The following GRK5 variants were observed in gnomAD, a reference collection of about 807,000 sequenced individuals.
GRK5 encodes g protein-coupled receptor kinase GRK5.
GRK5 carries 40 observed loss-of-function variants against 78.4 expected under a neutral mutation model. The ratio of observed to expected loss-of-function variants is 0.51; its 90% CI spans 0.40 to 0.66. The LOEUF (loss-of-function observed/expected upper bound fraction) is 0.66. Among genes scored for constraint, GRK5 ranks in the 30% least tolerant of loss-of-function variants. The pLI is 0.00. For missense variants in GRK5, 598 were observed against 759.9 expected (o/e 0.79, Z 2.50); for synonymous variants, 289 against 296.8 (o/e 0.97, Z 0.27).
At chr10:119,223,006 G>A (rs1180901398) in intron 1 of GRK5, among the ~76,000 whole-genome samples, 1 of 152,210 alleles carries the variant, frequency 6.6e-6, no homozygotes, top group Non-Finnish European at 1.5e-5. Flanking sequence ...CTAGGGATAC[G>A]TAATAAAGTG....
intron 4 of GRK5, among the ~76,000 whole-genome samples, 160 bp from the exon 5 acceptor site, chr10:119,423,006 G>A (rs1349193201): frequency 6.6e-6 from 1 of 152,258 alleles, no homozygotes; most frequent in African/African-American, 2.4e-5. Flanking sequence ...GCCAGGTGCA[G>A]CCTGGAGGGG....
At chr10:119,383,041 C>T (rs1234339712) in intron 3 of GRK5, among the ~76,000 whole-genome samples, 2 of 152,162 alleles carry the variant, frequency 1.3e-5, no homozygotes, top group Non-Finnish European at 2.9e-5. Flanking sequence ...CCTGCCTCAG[C>T]CTCCCGAGTA....
chr10:119,286,198 T>C (rs1384491054), intron 1 of GRK5, among the ~76,000 whole-genome samples: 2 of 151,808 alleles, frequency 1.3e-5, no homozygotes, highest in Non-Finnish European at 2.9e-5. Context: ...GAGAGGATAG[T>C]GTAATGAACA....
chr10:119,317,243 C>T lies in GRK5; in HGVS notation c.53-9273C>T, dbSNP rs545616760. Among the ~76,000 whole-genome samples the T allele has an allele frequency of 7.9e-5, 12 of 152,232 alleles. No homozygotes were observed. The East Asian group carries it at 1.9e-3, about 24-fold the overall frequency. On this transcript the variant is annotated intron_variant, in intron 1 of 15. Transcript: ENST00000392870. ...TCCAGAAAGCACGGCAGGTCCACTGCGGATCCTGCCTTCCCATCCCCAGGG... is the reference window on the plus strand; with the variant it reads ...TCCAGAAAGCACGGCAGGTCCACTGTGGATCCTGCCTTCCCATCCCCAGGG...
chr10:119,262,041 T>A (rs1448239242), intron 1 of GRK5, among the ~76,000 whole-genome samples: 1 of 152,262 alleles, frequency 6.6e-6, no homozygotes, highest in African/African-American at 2.4e-5. Flanking sequence ...CCTGAAGCTT[T>A]AATACATTTA....
At chr10:119,232,572 T>C (rs1589692299) in intron 1 of GRK5, among the ~76,000 whole-genome samples, 1 of 152,182 alleles carries the variant, frequency 6.6e-6, no homozygotes, top group Non-Finnish European at 1.5e-5. Context: ...GGTAATTGAA[T>C]CATGGGGGGC....
At chr10:119,436,887 TGG>T in intron 9 of GRK5, 46 bp downstream of exon 9, 1 of 1,532,796 alleles carries the variant, frequency 6.5e-7, no homozygotes. Flanking sequence ...TCCGAGGGGG[TGG>T]GGCCAGCCCC....
In GRK5 at chr10:119,412,283, C is replaced by T. The variant is rs370420118; in HGVS notation, c.340-10883C>T. ...ACAAGGACCTCTACCCACAGGCTGC[C>T]GGTCCGGTGTGTCTCTGCCTGGCAG... On this transcript the variant is annotated intron_variant, in intron 4 of 15. Coordinates refer to ENST00000392870, the MANE Select transcript of GRK5 (RefSeq NM_005308.3). The surrounding 1 kb of genome is among the most constrained non-coding windows in gnomAD (Gnocchi z 4.3). Among the ~76,000 whole-genome samples the T allele has an allele frequency of 2.6e-5, 4 of 152,306 alleles. No individual in the cohort carries two copies. Among genetic ancestry groups the T allele is most frequent in the East Asian group, 1.9e-4 (1 of 5,174 alleles).
At chr10:119,420,871 G>A (rs1300355939) in intron 4 of GRK5, among the ~76,000 whole-genome samples, 1 of 152,196 alleles carries the variant, frequency 6.6e-6, no homozygotes, top group Non-Finnish European at 1.5e-5. Flanking sequence ...ATGAGCCACT[G>A]AGTCCTGCCT....
chr10:119,305,707 C>T (rs930648589), intron 1 of GRK5, among the ~76,000 whole-genome samples: 7 of 152,262 alleles, frequency 4.6e-5, no homozygotes, highest in Non-Finnish European at 5.9e-5. Context: ...CCCAGAGCAA[C>T]GTCATTTGAG....
chr10:119,430,494 T>G lies in GRK5; in HGVS notation c.597+56T>G, dbSNP rs1852793611. 3 of 1,524,960 alleles carry G rather than the reference T, an allele frequency of 2.0e-6. No homozygotes were observed. The highest frequency in any genetic ancestry group is 2.7e-6 in the Non-Finnish European group (3 of 1,103,764). The allele number at this position is 1,524,960 out of a possible 1,614,324, so 94.5% of individuals were successfully genotyped here. A position where few individuals can be genotyped will look rare whatever the true frequency, so the allele number is the denominator to read the frequency against. ...GTTCTTACATTCAAGTCACCTTTCC[T>G]GTCCCTTCTAAATCAACCTAAAGGG... On this transcript the variant is annotated intron_variant, in intron 7 of 15. Coordinates refer to ENST00000392870, the MANE Select transcript of GRK5 (RefSeq NM_005308.3). This position sits in a 1 kb window ranked among gnomAD's most constrained non-coding sequence, Gnocchi z 4.5.
At chr10:119,387,556 GT>G (rs765883286) in intron 3 of GRK5, among the ~76,000 whole-genome samples, 7 of 152,190 alleles carry the variant, frequency 4.6e-5, no homozygotes, top group Non-Finnish European at 1.0e-4. Context: ...ACTAGGTCTG[GT>G]CTCTAAAGGG....
At chr10:119,340,801 C>T (rs12261720) in intron 2 of GRK5, among the ~76,000 whole-genome samples, 10,706 of 152,244 alleles carry the variant, frequency 0.07, 982 homozygotes, top group African/African-American at 0.21. Context: ...GTATTCCTCA[C>T]CTTAGCAGAT....
At chr10:119,421,346 G>C (rs12243338) in intron 4 of GRK5, among the ~76,000 whole-genome samples, 8 of 151,818 alleles carry the variant, frequency 5.3e-5, no homozygotes, top group Admixed American at 2.6e-4. Flanking sequence ...AAGTCTTAGA[G>C]GCACAAGCCC....
intron 6 of GRK5, among the ~76,000 whole-genome samples, chr10:119,427,093 C>CATCATCAGCATCACTGCT (rs1335636765): frequency 2.0e-5 from 3 of 152,272 alleles, no homozygotes; most frequent in Non-Finnish European, 2.9e-5. Context: ...GCATCACCGC[C>CATCATCAGCATCACTGCT]ATCATCAGCA....
chr10:119,211,872 C>G (rs76010844), intron 1 of GRK5: 1,913 of 152,234 alleles, frequency 0.013, 38 homozygotes, highest in East Asian at 0.058. Flanking sequence ...CACAGCACGG[C>G]TGAAAGCCCT....
intron 2 of GRK5, among the ~76,000 whole-genome samples, chr10:119,353,477 C>A (rs1194293898): frequency 6.6e-6 from 1 of 152,194 alleles, no homozygotes; most frequent in Non-Finnish European, 1.5e-5. Flanking sequence ...GAAACAGGTC[C>A]TGGAGAGCCT....
At chr10:119,375,254 C>T (rs73435031) in intron 2 of GRK5, among the ~76,000 whole-genome samples, 2,012 of 152,296 alleles carry the variant, frequency 0.013, 29 homozygotes, top group African/African-American at 0.03. Flanking sequence ...TGGCATCTCA[C>T]CTGGAGGTTT....
intron 1 of GRK5, among the ~76,000 whole-genome samples, chr10:119,291,030 C>G (rs1011084894): frequency 3.3e-5 from 5 of 152,202 alleles, no homozygotes; most frequent in South Asian, 2.1e-4. Context: ...GTAGTGGTGG[C>G]TTTGCAGAGG....
Sources: gnomAD v4.1 joint callset for allele counts (sites outside exome capture counted in the v4.1 genomes callset) on GRCh38, gnomAD v4.1.1 for gene constraint, Gnocchi (gnomAD v3.1) non-coding constraint, MANE v1.5 for transcripts, NCBI Gene and HGNC (gene_info 2026-07-23, HGNC 2026-07-21) for gene names.